The following PSMD6 variants were observed in gnomAD, a reference collection of about 807,000 sequenced individuals.
PSMD6 encodes proteasome 26S subunit, non-ATPase 6.
Under a neutral mutation model 44.9 loss-of-function variants are expected in PSMD6, and 7 were observed. That is an observed-to-expected ratio of 0.16 (90% confidence interval 0.09 to 0.29). PSMD6 has a LOEUF of 0.29. Ranked by LOEUF, PSMD6 falls within the 10% of genes least tolerant of loss-of-function variation. The pLI is 1.00. For missense variants in PSMD6, 420 were observed against 482.6 expected (o/e 0.87, Z 1.21); for synonymous variants, 184 against 172.7 (o/e 1.07, Z -0.51).
intron 3 of PSMD6, 105 bp from the exon 4 acceptor site, chr3:64,019,142 CCGAAA>C: frequency 7.2e-7 from 1 of 1,395,922 alleles, no homozygotes. Context: ...ACAACTTGAA[CCGAAA>C]GGAGATATTT....
At position 64,019,479 on chromosome 3, in the gene PSMD6, A is replaced by G. The variant is rs753082617; in HGVS notation, c.352-38T>C. The G allele has an allele frequency of 6.9e-6, 11 of 1,582,816 alleles. No individual in the cohort carries two copies. In the South Asian group the frequency reaches 7.0e-5, roughly 10 times the overall value. On this transcript the variant is annotated intron_variant, in intron 2 of 7. Coordinates refer to ENST00000295901, the MANE Select transcript of PSMD6 (RefSeq NM_014814.3). ...CCAAGGCAATAGGTGAGAAAAGGCT[A>G]CAAGTTTCCAAAAAAAGCTATCAGC...
At chr3:64,015,564 C>CACTT (rs1332067576) in intron 5 of PSMD6, 1 of 152,198 alleles carries the variant, frequency 6.6e-6, no homozygotes, top group Non-Finnish European at 1.5e-5. Flanking sequence ...CACTCAAAAA[C>CACTT]ACTTACTGAC....
chr3:64,018,567 C>G (rs747722238), intron 5 of PSMD6, 32 bp downstream of exon 5: 8 of 1,452,146 alleles, frequency 5.5e-6, no homozygotes, highest in Non-Finnish European at 7.7e-6. Context: ...AAGATGAAGA[C>G]AGATAATCAA....
chr3:64,011,549 T>G (rs1212831902), intron 6 of PSMD6: 2 of 151,822 alleles, frequency 1.3e-5, no homozygotes, highest in African/African-American at 4.9e-5. Context: ...TTGAAATTCT[T>G]AGGTATCACA....
chr3:64,017,223 A>C (rs1159519947), intron 5 of PSMD6: 1 of 152,232 alleles, frequency 6.6e-6, no homozygotes, highest in Non-Finnish European at 1.5e-5. Flanking sequence ...TGGAATTATT[A>C]ATATTTGCAA....
At chr3:64,019,148 G>A in intron 3 of PSMD6, 111 bp from the exon 4 acceptor site, 2 of 1,385,058 alleles carry the variant, frequency 1.4e-6, no homozygotes, top group Non-Finnish European at 2.0e-6. Flanking sequence ...TGAACCGAAA[G>A]GAGATATTTA....
chr3:64,019,676 C>G, intron 2 of PSMD6: 1 of 424,952 alleles, frequency 2.4e-6, no homozygotes, highest in Admixed American at 4.2e-5. Flanking sequence ...CAAGCATATA[C>G]TTAGATTCAG....
At position 64,016,747 on chromosome 3, in the gene PSMD6, G is replaced by A. The variant is rs923272107; in HGVS notation, c.826+1852C>T. ...AGCTGATGGGAATGTCAAATGGTGCGGGCGCCTGCTTTAGAAAACTGGCAG... is the reference window on the plus strand; with the variant it reads ...AGCTGATGGGAATGTCAAATGGTGCAGGCGCCTGCTTTAGAAAACTGGCAG... On this transcript the variant is annotated intron_variant, in intron 5 of 7. Transcript: ENST00000295901. 9 of 152,254 alleles carry A rather than the reference G, an allele frequency of 5.9e-5. 1 individual carries two copies. The South Asian group carries it at 1.5e-3, about 25-fold the overall frequency. 9.4% of individuals were successfully genotyped at this position (152,254 alleles called of 1,614,324 possible). A position where few individuals can be genotyped will look rare whatever the true frequency, so the allele number is the denominator to read the frequency against.
chr3:64,010,600 T>G lies in PSMD6; in HGVS notation c.*68A>C. 1 of 1,168,688 alleles carries G rather than the reference T, an allele frequency of 8.6e-7. No homozygotes were observed. Among genetic ancestry groups the G allele is most frequent in the Non-Finnish European group, 1.2e-6 (1 of 814,894 alleles). 72.4% of individuals were successfully genotyped at this position (1,168,688 alleles called of 1,614,324 possible). ...ATTTTATACAGCTGACCTGGGCACA[T>G]TGTGAAGTAAGCTATAAAAATTCCA... On this transcript the variant is annotated 3_prime_UTR_variant, in exon 8 of 8. Transcript: ENST00000295901.
rs2076165882 is a variant in PSMD6 at position 64,023,416 on chromosome 3, G to C, written c.4C>G (p.Pro2Ala). 6.3e-7 allele frequency: 1 copy of C among 1,598,162 alleles called. No individual in the cohort carries two copies. Among genetic ancestry groups the C allele is most frequent in the African/African-American group, 1.4e-5 (1 of 73,948 alleles). Reference sequence around the variant, plus strand: ...CCCTCCTCCTCCAGGTTCTCCAGCGGCATCGCGGCGAAGGGGACAGCGGCT... The same window carrying C: ...CCCTCCTCCTCCAGGTTCTCCAGCGCCATCGCGGCGAAGGGGACAGCGGCT... M[P>A]LENLEEEGLP... is the part of the protein sequence containing the mutation. The change falls in exon 1 of 8, where the codon CCG (proline) becomes GCG (alanine). Residue 2 changes from proline (P) to alanine (A), a missense_variant. Pro to Ala is a conservative substitution (Grantham distance 27). Around this residue, in one of 4 missense-constraint regions of PSMD6, gnomAD observed 136 missense variants for 124.2 expected, o/e 1.09. Coordinates refer to ENST00000295901, the MANE Select transcript of PSMD6 (RefSeq NM_014814.3).
chr3:64,021,904 A>G (rs1185925230), intron 2 of PSMD6, among the ~76,000 whole-genome samples: 1 of 152,200 alleles, frequency 6.6e-6, no homozygotes, highest in South Asian at 2.1e-4. Context: ...GTAAAGAAAG[A>G]TAACAGAACT....
intron 6 of PSMD6, chr3:64,011,789 C>CA (rs1482088365): frequency 6.6e-6 from 1 of 152,236 alleles, no homozygotes; most frequent in Non-Finnish European, 1.5e-5. Flanking sequence ...TTTATCTCCA[C>CA]ATTACAGTTA....
chr3:64,023,805 C>T (rs919524099), upstream of PSMD6: 8 of 1,478,654 alleles, frequency 5.4e-6, no homozygotes, highest in Non-Finnish European at 7.3e-6. Flanking sequence ...AAACAATCAC[C>T]ATAGTTTGTC....
rs2076090948 is a variant in PSMD6, at chr3:64,019,016, G to A, written c.519C>T (p.Asp173=). ...KAKSLIEEGG[D]WDRRNRLKVY... Reference sequence around the variant, plus strand: ...CTTTTAGGCGGTTTCTCCTGTCCCAGTCTCCTCCTTCTTCTATTAAGCTAT... The same window carrying A: ...CTTTTAGGCGGTTTCTCCTGTCCCAATCTCCTCCTTCTTCTATTAAGCTAT... Residue 173 remains aspartate (D), a synonymous_variant, in exon 4 of 8, where the codon GAC becomes GAT. Transcript: ENST00000295901. 3 of 1,607,016 alleles carry A rather than the reference G, an allele frequency of 1.9e-6. No homozygotes were observed. Among genetic ancestry groups the A allele is most frequent in the Non-Finnish European group, 2.6e-6 (3 of 1,173,716 alleles).
chr3:64,018,861 T>A lies in PSMD6; in HGVS notation c.674A>T (p.Tyr225Phe), dbSNP rs1021250362. 2 of 1,594,936 alleles carry A rather than the reference T, an allele frequency of 1.3e-6. No homozygotes were observed. The highest frequency in any genetic ancestry group is 4.5e-5 in the East Asian group (2 of 44,784). The change falls in exon 4 of 8, where the codon TAT becomes TTT. Residue 225 changes from tyrosine to phenylalanine, a missense_variant. By Grantham distance (22) the Tyr-to-Phe change is conservative. This residue lies in a region of PSMD6 where 216 missense variants were observed against 227.0 expected (regional missense o/e 0.95). Transcript: ENST00000295901. ...DYKTFVTYTV[Y>F]VSMIALERPD... ...TCTTTCTAAGGCAATCATACTGACA[T>A]AGACAGTATAAGTCACAAATGTTTT... is the stretch of plus-strand genomic sequence containing the variant.
rs1179893609 is a variant in PSMD6 at position 64,019,503 on chromosome 3, G to A, written c.352-62C>T. 8.5e-6 allele frequency: 13 copies of A among 1,530,538 alleles called. No homozygotes were observed. In the East Asian group the frequency reaches 3.0e-4, roughly 35 times the overall value. The allele number at this position is 1,530,538 out of a possible 1,614,324, so 94.8% of individuals were successfully genotyped here. ...TACAAGTTTCCAAAAAAAGCTATCAGCTGTCTGGGATTTTCTTCAAAGGTT... is the reference window on the plus strand; with the variant it reads ...TACAAGTTTCCAAAAAAAGCTATCAACTGTCTGGGATTTTCTTCAAAGGTT... On this transcript the variant is annotated intron_variant, in intron 2 of 7. Coordinates refer to ENST00000295901, the MANE Select transcript of PSMD6 (RefSeq NM_014814.3).
At chr3:64,019,058 G>A in intron 3 of PSMD6, 21 bp from the exon 4 acceptor site, 1 of 1,569,614 alleles carries the variant, frequency 6.4e-7, no homozygotes. Context: ...AAAACAGTAA[G>A]ATCATAGTCT....
chr3:64,020,096 T>C (rs906925745), intron 2 of PSMD6, among the ~76,000 whole-genome samples: 2 of 152,198 alleles, frequency 1.3e-5, no homozygotes, highest in African/African-American at 4.8e-5. Flanking sequence ...AATAGATAAT[T>C]CTACGTTTAT....
Position 64,022,252 on chromosome 3 carries a change from T to A in PSMD6, c.351+66A>T. On this transcript the variant is annotated intron_variant, in intron 2 of 7. Transcript: ENST00000295901. ...AGTTAATTTTTTTAATGAGAAACGA[T>A]TACCTGGAATAGTCTCCAATTTTAG... 2.0e-6 allele frequency: 3 copies of A among 1,526,532 alleles called. No individual in the cohort carries two copies. In the South Asian group the frequency reaches 3.5e-5, roughly 18 times the overall value. 94.6% of individuals were successfully genotyped at this position (1,526,532 alleles called of 1,614,324 possible).
Sources: gnomAD v4.1 joint callset for allele counts (sites outside exome capture counted in the v4.1 genomes callset) on GRCh38, gnomAD v4.1.1 for gene constraint, gnomAD v4.1.1 regional missense constraint, MANE v1.5 for transcripts, NCBI Gene and HGNC (gene_info 2026-07-23, HGNC 2026-07-21) for gene names.